TOM1: variants seen among roughly 807,000 people sequenced by gnomAD.
The protein encoded by TOM1 is target of myb1 membrane trafficking protein.
TOM1 carries 38 observed loss-of-function variants against 61.3 expected under a neutral mutation model. The ratio of observed to expected loss-of-function variants is 0.62; its 90% confidence interval spans 0.48 to 0.81. The LOEUF is 0.81. Among genes scored for constraint, TOM1 ranks in the 40% least tolerant of loss-of-function variants. The pLI, the probability that TOM1 is intolerant of heterozygous loss-of-function variation, is 0.00. For missense variants in TOM1, 591 were observed against 659.6 expected, an observed-to-expected ratio of 0.90 and a Z score of 1.14; for synonymous variants, 270 against 268.8, an observed-to-expected ratio of 1.00 and a Z score of -0.04.
intron 12 of TOM1, among the ~76,000 whole-genome samples, chr22:35,339,848 G>A (rs936573462): frequency 4.0e-5 from 6 of 150,638 alleles, no homozygotes; most frequent in Non-Finnish European, 4.4e-5. Context: ...AGCTTGCAGT[G>A]AGCCGAGATC....
At chr22:35,343,736 C>CACACCTACACATACACCACATGCATCT (rs1930221571) in intron 12 of TOM1, among the ~76,000 whole-genome samples, 1 of 138,464 alleles carries the variant, frequency 7.2e-6, no homozygotes, top group East Asian at 2.4e-4. Context: ...CTACACCCAC[C>CACACCTACACATACACCACATGCATCT]ACACCTACAC....
chr22:35,333,501 A>G lies in TOM1; in HGVS notation c.1027+4A>G, dbSNP rs928984884. ...TCATCCCAGCTGGCAGGAATGAGTA[A>G]GTGTGGTTTGGAGGGCTCCAGCTGA... is the stretch of plus-strand genomic sequence containing the variant. On this transcript the variant is annotated splice_donor_region_variant and intron_variant, in intron 10 of 14. Coordinates refer to ENST00000449058, the MANE Select transcript of TOM1 (RefSeq NM_005488.3). The G allele has an allele frequency of 1.9e-6, 3 of 1,614,006 alleles. No homozygotes were observed. The highest frequency in any genetic ancestry group is 2.5e-6 in the Non-Finnish European group (3 of 1,179,866).
At chr22:35,332,921 G>C (rs752347385) in intron 8 of TOM1, 60 bp from the exon 9 acceptor site, 795 of 1,560,794 alleles carry the variant, frequency 5.1e-4, no homozygotes, top group Non-Finnish European at 6.4e-4. Context: ...GCTCTGCCTG[G>C]CCGTGTGTGG....
intron 8 of TOM1, 69 bp from the exon 9 acceptor site, chr22:35,332,912 C>T: frequency 1.3e-6 from 2 of 1,521,734 alleles, no homozygotes; most frequent in Non-Finnish European, 1.8e-6. Context: ...GTTTGAAAAG[C>T]TCTGCCTGGC....
chr22:35,327,405 C>A lies in TOM1; in HGVS notation c.765+18C>A. On this transcript the variant is annotated intron_variant, in intron 7 of 14. Coordinates refer to ENST00000449058, the MANE Select transcript of TOM1 (RefSeq NM_005488.3). ...TGCTGCAGGTGAGCAGGTGGCACCA[C>A]CCCCTGGGGCTCAGATGACTCCTGC... is the stretch of plus-strand genomic sequence containing the variant. 2 of 1,577,208 alleles carry A rather than the reference C, an allele frequency of 1.3e-6. No homozygotes were observed. Among genetic ancestry groups the A allele is most frequent in the Non-Finnish European group, 1.7e-6 (2 of 1,151,398 alleles).
At chr22:35,303,500 A>C (rs906585723) in intron 1 of TOM1, among the ~76,000 whole-genome samples, 1 of 132,334 alleles carries the variant, frequency 7.6e-6, no homozygotes, top group African/African-American at 2.8e-5. Flanking sequence ...CATTTTTATT[A>C]TTTCTTTTTT....
chr22:35,323,432 TG>T lies in TOM1; in HGVS notation c.367-63del. 8.2e-6 allele frequency: 13 copies of T among 1,579,416 alleles called. No individual in the cohort carries two copies. The highest frequency in any genetic ancestry group is 1.1e-5 in the Non-Finnish European group (13 of 1,162,810). On this transcript the variant is annotated intron_variant, in intron 4 of 14. Coordinates refer to ENST00000449058, the MANE Select transcript of TOM1 (RefSeq NM_005488.3). This position sits in a 1 kb window ranked among gnomAD's most constrained non-coding sequence, Gnocchi z 4.2. ...AAAGAATGTCTGTTCTCTGTCTGAGTGCCAGGTGGGCAGGCTCACAGGTGAG... is the reference window on the plus strand; with the variant it reads ...AAAGAATGTCTGTTCTCTGTCTGAGTCCAGGTGGGCAGGCTCACAGGTGAG...
chr22:35,347,026 C>T (rs1930566676), intron 14 of TOM1, 29 bp from the exon 15 acceptor site: 1 of 1,524,482 alleles, frequency 6.6e-7, no homozygotes, highest in Admixed American at 1.7e-5. Flanking sequence ...GGCCTCAGGG[C>T]CTACCCTCAC....
chr22:35,315,718 C>A (rs149780801), intron 1 of TOM1, among the ~76,000 whole-genome samples: 34 of 152,340 alleles, frequency 2.2e-4, no homozygotes, highest in African/African-American at 8.2e-4. Context: ...GGGCCAATTG[C>A]AAAACCAAGG....
In TOM1 at chr22:35,338,723, G is replaced by A. The variant is rs781489033; in HGVS notation, c.1159G>A (p.Glu387Lys). 10 of 1,589,504 alleles carry A rather than the reference G, an allele frequency of 6.3e-6. No homozygotes were observed. Among genetic ancestry groups the A allele is most frequent in the East Asian group, 4.6e-5 (2 of 43,692 alleles). ...TGGTCTCTCTTTCAGGGTAAAATAC[G>A]AAGCCCCCCAAGCAACAGACGGCCT... ...LADQRKEVKY[E>K]APQATDGLAG... Residue 387 changes from glutamate (E) to lysine (K), a missense_variant, in exon 12 of 15, where the codon GAA becomes AAA. Coordinates refer to ENST00000449058, the MANE Select transcript of TOM1 (RefSeq NM_005488.3).
intron 1 of TOM1, 49 bp from the exon 2 acceptor site, chr22:35,317,828 A>G (rs1464557952): frequency 3.4e-6 from 5 of 1,453,554 alleles, no homozygotes; most frequent in Non-Finnish European, 4.8e-6. Flanking sequence ...GTTTGAGTTT[A>G]CCCATTCAGG....
chr22:35,310,502 C>T lies in TOM1; in HGVS notation c.53-7375C>T, dbSNP rs571030519. Among the ~76,000 whole-genome samples the T allele has an allele frequency of 2.7e-4, 41 of 152,088 alleles. No homozygotes were observed. The South Asian group carries it at 6.7e-3, about 25-fold the overall frequency. On this transcript the variant is annotated intron_variant, in intron 1 of 14. Transcript: ENST00000449058. ...CCAGTAGTTGGAGGTTGCAGTGAGCCGAGATCGTGCCACTGCACTCCAGCC... is the reference window on the plus strand; with the variant it reads ...CCAGTAGTTGGAGGTTGCAGTGAGCTGAGATCGTGCCACTGCACTCCAGCC...
Position 35,323,761 on chromosome 22 carries a change from C to T in TOM1, c.502-7C>T, listed in dbSNP as rs1374601469. 1.2e-5 allele frequency: 20 copies of T among 1,602,402 alleles called. No homozygotes were observed. Among genetic ancestry groups the T allele is most frequent in the South Asian group, 4.5e-5 (4 of 89,722 alleles). Reference sequence around the variant, plus strand: ...AGCCCTCACTGATCCTGTTTTCCTCCCACTAGACCGTGTTCAACTCAGAGA... The same window carrying T: ...AGCCCTCACTGATCCTGTTTTCCTCTCACTAGACCGTGTTCAACTCAGAGA... On this transcript the variant is annotated splice_polypyrimidine_tract_variant and splice_region_variant and intron_variant, in intron 5 of 14. Transcript: ENST00000449058. The surrounding 1 kb of genome is among the most constrained non-coding windows in gnomAD (Gnocchi z 4.2).
chr22:35,300,070 G>T, intron 1 of TOM1, 90 bp downstream of exon 1: 4 of 1,442,992 alleles, frequency 2.8e-6, no homozygotes, highest in Non-Finnish European at 3.8e-6. Flanking sequence ...TAGTCACGGA[G>T]GCAGGGAGGG....
chr22:35,329,784 C>T (rs547716813), intron 7 of TOM1, among the ~76,000 whole-genome samples: 6 of 152,264 alleles, frequency 3.9e-5, no homozygotes, highest in Admixed American at 2.0e-4. Flanking sequence ...GGAATCTGCA[C>T]GAAGCCAAGT....
In TOM1 at chr22:35,346,983, C is replaced by A. The variant is rs767275153; in HGVS notation, c.1324+14C>A. On this transcript the variant is annotated intron_variant, in intron 14 of 14. Coordinates refer to ENST00000449058, the MANE Select transcript of TOM1 (RefSeq NM_005488.3). The stretch of plus-strand genomic sequence containing the variant: ...TCACCAGCGAAGGTAGTAGTCCCCG[C>A]CCCTGCCCGCCCTCTCCTTTCCCCA... 6.2e-7 allele frequency: 1 copy of A among 1,611,276 alleles called. No homozygotes were observed.
In TOM1 at chr22:35,328,978, C is replaced by T. The variant is rs150989749; in HGVS notation, c.766-1369C>T. ...TTTTATTTTTTTATTTTTTTTGAGA[C>T]GGAGTCTTGCTCTGTCACCCAGGCT... On this transcript the variant is annotated intron_variant, in intron 7 of 14. Transcript: ENST00000449058. 3.0e-3 allele frequency among the ~76,000 whole-genome samples: 454 copies of T among 152,166 alleles called. 6 individuals carry two copies. The highest frequency in any genetic ancestry group is 0.024 in the Admixed American group (370 of 15,290).
chr22:35,322,218 G>A, intron 3 of TOM1, 181 bp downstream of exon 3: 1 of 596,904 alleles, frequency 1.7e-6, no homozygotes, highest in East Asian at 2.8e-5. Context: ...GAGGCCATTT[G>A]GAAAGGTTCT....
intron 1 of TOM1, among the ~76,000 whole-genome samples, chr22:35,303,607 C>G (rs1367542419): frequency 6.6e-6 from 1 of 150,988 alleles, no homozygotes; most frequent in Non-Finnish European, 1.5e-5. Context: ...AAGTGATTCT[C>G]CTGCCTCAGC....
Sources: gnomAD v4.1 joint callset for allele counts (sites outside exome capture counted in the v4.1 genomes callset) on GRCh38, gnomAD v4.1.1 for gene constraint, Gnocchi (gnomAD v3.1) non-coding constraint, MANE v1.5 for transcripts, NCBI Gene and HGNC (gene_info 2026-07-23, HGNC 2026-07-21) for gene names.